AIF1L: variants seen among roughly 807,000 people sequenced by gnomAD.
The protein encoded by AIF1L is allograft inflammatory factor 1-like.
AIF1L carries 12 observed loss-of-function variants against 20.7 expected under a neutral mutation model. The ratio of observed to expected loss-of-function variants is 0.58; its 90% CI spans 0.37 to 0.94. The LOEUF is 0.94. Ranked by LOEUF, AIF1L falls within the 40% of genes least tolerant of loss-of-function variation. AIF1L has a pLI of 0.01. For synonymous variants in AIF1L, 76 were observed against 65.1 expected (o/e 1.17, Z -0.81); for missense variants, 173 against 185.3 (o/e 0.93, Z 0.39).
intron 2 of AIF1L, among the ~76,000 whole-genome samples, chr9:131,099,735 T>C (rs1830597409): frequency 6.6e-6 from 1 of 150,488 alleles, no homozygotes; most frequent in South Asian, 2.1e-4. Flanking sequence ...TTAGCTTTTT[T>C]TTTTTTTTTT....
In AIF1L at chr9:131,122,116, G is replaced by C. The variant is rs1831151632; in HGVS notation, c.*1794G>C. 1 of 152,224 alleles carries C rather than the reference G, an allele frequency of 6.6e-6. No individual in the cohort carries two copies. The highest frequency in any genetic ancestry group is 6.5e-5 in the Admixed American group (1 of 15,270). The allele number at this position is 152,224 out of a possible 1,614,324, so 9.4% of individuals were successfully genotyped here. A position where few individuals can be genotyped will look rare whatever the true frequency, so the allele number is the denominator to read the frequency against. ...GGGTGACTTCCCTGCAGTCCTGGGG[G>C]CCTAGATGGGCCCAAGACTGGGTGA... On this transcript the variant is annotated 3_prime_UTR_variant, in exon 6 of 6. Transcript: ENST00000247291.
chr9:131,101,951 CTG>C lies in AIF1L; in HGVS notation c.93+5090_93+5091del, dbSNP rs557547857. 3.7e-4 allele frequency among the ~76,000 whole-genome samples: 56 copies of C among 152,090 alleles called. 4 individuals carry two copies. In the East Asian group the frequency reaches 6.6e-3, roughly 18 times the overall value. ...TTTCATTTTGAGACAGAGTCTCACTCTGTCACCCAGGCTGGAGTGCAGTGGCA... is the reference window on the plus strand; with the variant it reads ...TTTCATTTTGAGACAGAGTCTCACTCTCACCCAGGCTGGAGTGCAGTGGCA... On this transcript the variant is annotated intron_variant, in intron 2 of 5. Coordinates refer to ENST00000247291, the MANE Select transcript of AIF1L (RefSeq NM_031426.4).
intron 2 of AIF1L, among the ~76,000 whole-genome samples, chr9:131,097,814 C>T (rs571284123): frequency 6.6e-6 from 1 of 152,364 alleles, no homozygotes; most frequent in Admixed American, 6.5e-5. Flanking sequence ...TGTGCAGGCT[C>T]AGAGAGGGAA....
intron 4 of AIF1L, among the ~76,000 whole-genome samples, chr9:131,116,757 G>A (rs530363864): frequency 6.6e-6 from 1 of 152,366 alleles, no homozygotes; most frequent in South Asian, 2.1e-4. Flanking sequence ...TCAGGAAGGG[G>A]ACACTGGGTC....
intron 5 of AIF1L, 140 bp from the exon 6 acceptor site, chr9:131,120,095 G>A (rs1426222080): frequency 1.3e-6 from 1 of 744,092 alleles, no homozygotes; most frequent in East Asian, 2.9e-5. Flanking sequence ...TTGGGCTTCT[G>A]CAAGGATCCC....
chr9:131,120,572 C>T lies in AIF1L; in HGVS notation c.*250C>T, dbSNP rs353513. 295,769 of 418,986 alleles carry T rather than the reference C, an allele frequency of 0.71. 106,816 individuals are homozygous for T. The highest frequency in any genetic ancestry group is 0.78 in the Middle Eastern group (1,260 of 1,612). 26.0% of individuals were successfully genotyped at this position (418,986 alleles called of 1,614,324 possible). On this transcript the variant is annotated 3_prime_UTR_variant, in exon 6 of 6. Transcript: ENST00000247291. ...CCCGCTCCCTGTGCAGAAGGGCTGA[C>T]ATCAAACCAAAAACTAGAGGGGGCA...
chr9:131,109,881 G>A (rs1830836988), intron 2 of AIF1L, among the ~76,000 whole-genome samples: 1 of 152,114 alleles, frequency 6.6e-6, no homozygotes, highest in Non-Finnish European at 1.5e-5. Flanking sequence ...TGGCTTATGA[G>A]CCTCAGTTTC....
intron 3 of AIF1L, chr9:131,111,920 C>T (rs1830898141): frequency 3.8e-6 from 2 of 520,446 alleles, no homozygotes; most frequent in Non-Finnish European, 6.9e-6. Flanking sequence ...CTCTCTCTCC[C>T]CTCACTGCCC....
intron 1 of AIF1L, 63 bp from the exon 2 acceptor site, chr9:131,096,739 G>C (rs750525792): frequency 3.4e-6 from 5 of 1,473,928 alleles, no homozygotes; most frequent in Non-Finnish European, 4.5e-6. Context: ...GAAGCGGGCG[G>C]GGACGGGGGC....
intron 2 of AIF1L, among the ~76,000 whole-genome samples, chr9:131,097,759 C>T (rs1341093301): frequency 6.6e-6 from 1 of 152,234 alleles, no homozygotes; most frequent in Non-Finnish European, 1.5e-5. Flanking sequence ...TGTGTGCCAG[C>T]TCTGTGGTCC....
At chr9:131,105,549 T>A (rs1390987196) in intron 2 of AIF1L, among the ~76,000 whole-genome samples, 2 of 152,074 alleles carry the variant, frequency 1.3e-5, no homozygotes, top group African/African-American at 4.8e-5. Flanking sequence ...TTCACCATGT[T>A]GGCCAGGCTG....
intron 2 of AIF1L, among the ~76,000 whole-genome samples, chr9:131,105,516 G>A (rs1247018584): frequency 6.6e-6 from 1 of 151,630 alleles, no homozygotes; most frequent in African/African-American, 2.4e-5. Context: ...ACAGGTACGT[G>A]TGGTTTTTAG....
At chr9:131,117,335 G>A (rs2133407306) in intron 4 of AIF1L, among the ~76,000 whole-genome samples, 1 of 152,288 alleles carries the variant, frequency 6.6e-6, no homozygotes, top group African/African-American at 2.4e-5. Flanking sequence ...CAGCAGGAGA[G>A]TGGGCACCCA....
chr9:131,104,278 G>A (rs530036746), intron 2 of AIF1L, among the ~76,000 whole-genome samples: 3 of 152,184 alleles, frequency 2.0e-5, no homozygotes, highest in Non-Finnish European at 4.4e-5. Context: ...TTCTGCAGCC[G>A]GGAAAACTTG....
intron 2 of AIF1L, among the ~76,000 whole-genome samples, chr9:131,104,810 A>C (rs1018475924): frequency 4.6e-5 from 7 of 151,740 alleles, no homozygotes; most frequent in African/African-American, 1.7e-4. Flanking sequence ...AGATGGGCGG[A>C]CTGCTTGGGC....
chr9:131,097,355 G>T (rs1348266989), intron 2 of AIF1L, among the ~76,000 whole-genome samples: 1 of 152,200 alleles, frequency 6.6e-6, no homozygotes, highest in African/African-American at 2.4e-5. Context: ...GAGTAGCTGG[G>T]ACTACAGGCA....
chr9:131,110,035 C>T (rs1320747449), intron 2 of AIF1L, among the ~76,000 whole-genome samples: 2 of 151,956 alleles, frequency 1.3e-5, no homozygotes, highest in Admixed American at 1.3e-4. Flanking sequence ...CAGAGTGAAA[C>T]CCTGTCTCTA....
intron 2 of AIF1L, chr9:131,106,273 A>G: frequency 6.7e-7 from 1 of 1,501,248 alleles, no homozygotes; most frequent in Non-Finnish European, 9.0e-7. Context: ...CAGGCAAGTT[A>G]GTTAACCTGA....
At chr9:131,115,449 C>CAAAAAAAAAAAAAA (rs746698091) in intron 4 of AIF1L, among the ~76,000 whole-genome samples, 16 of 60,390 alleles carry the variant, frequency 2.6e-4, no homozygotes, top group Non-Finnish European at 3.6e-4. Context: ...GATTCTGTCT[C>CAAAAAAAAAAAAAA]AAAAAAAAAA....
Sources: allele counts gnomAD v4.1 joint callset (sites outside exome capture counted in the v4.1 genomes callset), GRCh38; gene constraint gnomAD v4.1.1; transcripts MANE v1.5; gene names NCBI Gene and HGNC (gene_info 2026-07-23, HGNC 2026-07-21).